The following ENAM variants were observed in gnomAD, a reference collection of about 807,000 sequenced individuals.
The protein encoded by ENAM is enamelin, also known as amelogenesis imperfecta 2, hypocalcification (autosomal dominant).
ENAM carries 21 observed loss-of-function variants against 33.6 expected under a neutral mutation model. The observed-to-expected ratio is 0.63, with a 90% CI of 0.44 to 0.90. The LOEUF is 0.90. Among genes scored for constraint, ENAM ranks in the 40% least tolerant of loss-of-function variants. The probability of loss-of-function intolerance (pLI) is 0.00; values close to 1 mark genes in which losing one functional copy is unlikely to be tolerated. For missense variants in ENAM, 1,388 were observed against 1,366.9 expected (o/e 1.02, Z -0.24); for synonymous variants, 473 against 468.4 (o/e 1.01, Z -0.13).
At chr4:70,632,610 G>T in intron 4 of ENAM, 41 bp from the exon 5 acceptor site, 2 of 1,431,046 alleles carry the variant, frequency 1.4e-6, no homozygotes, top group Non-Finnish European at 2.0e-6. Context: ...TTTAATAAAA[G>T]TTTCACTTTG....
At position 70,634,358 on chromosome 4, in the gene ENAM, A is replaced by G; in HGVS notation, c.261A>G (p.Pro87=). 1 of 1,614,084 alleles carries G rather than the reference A, an allele frequency of 6.2e-7. No individual in the cohort carries two copies. The highest frequency in any genetic ancestry group is 8.5e-7 in the Non-Finnish European group (1 of 1,179,984). ...GAAACGGTCTCCCTCAGCAATTTCC[A>G]CAGTACCAGATGCCCATGTGGCCTC... The part of the protein sequence containing the change: ...FFGNGLPQQF[P]QYQMPMWPQP... The change falls in exon 6 of 9, where the codon CCA becomes CCG. Residue 87 remains proline (P), a synonymous_variant. Coordinates refer to ENST00000396073, the MANE Select transcript of ENAM (RefSeq NM_031889.3).
chr4:70,644,796 C>T lies in ENAM; in HGVS notation c.3370C>T (p.Leu1124Phe). ...AGATGAACACAGTCCATTTGAATTC[C>T]TTCAAAGAGGGACCAATGTACAGGA... ...DADEHSPFEFLQRGTNVQDQV... is the reference protein window; with the variant it reads ...DADEHSPFEFFQRGTNVQDQV... Residue 1124 changes from leucine (L) to phenylalanine (F), a missense_variant, in exon 9 of 9, where the codon CTT (leucine) becomes TTT (phenylalanine). Leu to Phe is a conservative substitution (Grantham distance 22). Transcript: ENST00000396073. 3.7e-6 allele frequency: 6 copies of T among 1,614,048 alleles called. No homozygotes were observed. The highest frequency in any genetic ancestry group is 1.7e-5 in the Admixed American group (1 of 60,014).
chr4:70,637,673 G>C (rs2109822670), intron 7 of ENAM, 117 bp from the exon 8 acceptor site: 3 of 807,148 alleles, frequency 3.7e-6, no homozygotes, highest in Middle Eastern at 2.2e-4. Flanking sequence ...AAAGCTCAGA[G>C]TACTAACTGA....
rs1318985644 is a variant in ENAM at position 70,643,561 on chromosome 4, AG to A, written c.2137del (p.Asp713IlefsTer29). The A allele has an allele frequency of 6.2e-7, 1 of 1,614,004 alleles. No individual in the cohort carries two copies. The highest frequency in any genetic ancestry group is 8.5e-7 in the Non-Finnish European group (1 of 1,179,986). On this transcript the variant is annotated frameshift_variant, in exon 9 of 9. Transcript: ENST00000396073. LOFTEE classifies it low-confidence loss of function (END_TRUNC). ...TTAGATAATCCATCAAAACCAAGGGAGGATTTTTATTACAGTGAATTTTACC... is the reference window on the plus strand; with the variant it reads ...TTAGATAATCCATCAAAACCAAGGGAGATTTTTATTACAGTGAATTTTACC... ...YSLDNPSKPR[E>X]DFYYSEFYPW...
chr4:70,637,839 G>C lies in ENAM; in HGVS notation c.584G>C (p.Gly195Ala), dbSNP rs143129444. 62 of 1,611,212 alleles carry C rather than the reference G, an allele frequency of 3.8e-5. No homozygotes were observed. Among genetic ancestry groups the C allele is most frequent in the Non-Finnish European group, 4.3e-5 (51 of 1,177,340 alleles). ...CGCCCACCAATCAGCAATGAAGAAGGGGGGGTAAGTACAAGTAAAACTACA... is the reference window on the plus strand; with the variant it reads ...CGCCCACCAATCAGCAATGAAGAAGCGGGGGTAAGTACAAGTAAAACTACA... ...YGRPPISNEE[G>A]GNPYFGYFGY... Residue 195 changes from glycine to alanine, a missense_variant, in exon 8 of 9, where the codon GGG becomes GCG. By Grantham distance (60) the Gly-to-Ala change is moderately conservative. Coordinates refer to ENST00000396073, the MANE Select transcript of ENAM (RefSeq NM_031889.3).
At chr4:70,631,779 GT>G (rs779360038) in intron 3 of ENAM, 41 bp downstream of exon 3, 1 of 1,597,038 alleles carries the variant, frequency 6.3e-7, no homozygotes, top group Non-Finnish European at 8.6e-7. Context: ...TTTGTGTTCC[GT>G]TAGGAACAAT....
rs1433461700 is a variant in ENAM at position 70,645,779 on chromosome 4, G to T, written c.*924G>T. On this transcript the variant is annotated 3_prime_UTR_variant, in exon 9 of 9. Transcript: ENST00000396073. ...ATTTTGGAAATGGTAGACACTGATA[G>T]CTACTTTGTTTTTAGTTATCTTAGG... The T allele has an allele frequency of 6.6e-6, 1 of 152,128 alleles. No individual in the cohort carries two copies. Among genetic ancestry groups the T allele is most frequent in the Non-Finnish European group, 1.5e-5 (1 of 68,036 alleles). 9.4% of individuals were successfully genotyped at this position (152,128 alleles called of 1,614,324 possible). A position where few individuals can be genotyped will look rare whatever the true frequency, so the allele number is the denominator to read the frequency against.
chr4:70,632,647 G>T lies in ENAM; in HGVS notation c.169-4G>T, dbSNP rs371305883. ...ATCACATTAATGGATTCCTTTGGTTGCAGATGATGCGGTATAATCAATTCA... is the reference window on the plus strand; with the variant it reads ...ATCACATTAATGGATTCCTTTGGTTTCAGATGATGCGGTATAATCAATTCA... On this transcript the variant is annotated splice_polypyrimidine_tract_variant and splice_region_variant and intron_variant, in intron 4 of 8. Transcript: ENST00000396073. 3.8e-6 allele frequency: 6 copies of T among 1,592,018 alleles called. No homozygotes were observed. Among genetic ancestry groups the T allele is most frequent in the Non-Finnish European group, 5.2e-6 (6 of 1,160,302 alleles).
intron 2 of ENAM, among the ~76,000 whole-genome samples, chr4:70,631,391 TCTGTCTCTCTCTCTTTCC>T (rs1738315214): frequency 6.6e-6 from 1 of 152,182 alleles, no homozygotes; most frequent in Admixed American, 6.5e-5. Context: ...TCTCTCTCTC[TCTGTCTCTCTCTCTTTCC>T]CTGTCTCTCT....
intron 7 of ENAM, among the ~76,000 whole-genome samples, chr4:70,637,104 A>G (rs1738470729): frequency 6.6e-6 from 1 of 152,216 alleles, no homozygotes; most frequent in Non-Finnish European, 1.5e-5. Flanking sequence ...TAAAAGAGTG[A>G]CTTCCTTTTA....
At position 70,644,269 on chromosome 4, in the gene ENAM, A is replaced by G. The variant is rs1387922480; in HGVS notation, c.2843A>G (p.Asp948Gly). 1 of 1,614,144 alleles carries G rather than the reference A, an allele frequency of 6.2e-7. No individual in the cohort carries two copies. Among genetic ancestry groups the G allele is most frequent in the South Asian group, 1.1e-5 (1 of 91,086 alleles). ...GAAAGCCAAAACCCTTTTAGAGATG[A>G]TGTGTCCACGCTGAGGAGGAACACA... is the stretch of plus-strand genomic sequence containing the variant. ...KRESQNPFRD[D>G]VSTLRRNTPC... Residue 948 changes from aspartate (D) to glycine (G), a missense_variant, in exon 9 of 9, where the codon GAT becomes GGT. Physicochemically the swap from Asp to Gly is moderately conservative, Grantham distance 94 (BLOSUM62 -1). Coordinates refer to ENST00000396073, the MANE Select transcript of ENAM (RefSeq NM_031889.3).
Position 70,643,688 on chromosome 4 carries a change from A to G in ENAM, c.2262A>G (p.Pro754=). Residue 754 remains proline (P), a synonymous_variant, in exon 9 of 9, where the codon CCA becomes CCG. Transcript: ENST00000396073. ...ACTACGTTAATAATGCCGCTGGACCAGAAGAAAGCACTCTATTTCCTTCAC... is the reference window on the plus strand; with the variant it reads ...ACTACGTTAATAATGCCGCTGGACCGGAAGAAAGCACTCTATTTCCTTCAC... ...RGYYVNNAAG[P]EESTLFPSRN... 1 of 1,614,174 alleles carries G rather than the reference A, an allele frequency of 6.2e-7. No homozygotes were observed. The highest frequency in any genetic ancestry group is 8.5e-7 in the Non-Finnish European group (1 of 1,180,012).
Position 70,645,294 on chromosome 4 carries a change from A to G in ENAM, c.*439A>G, listed in dbSNP as rs1018016906. 1 of 193,020 alleles carries G rather than the reference A, an allele frequency of 5.2e-6. No homozygotes were observed. Among genetic ancestry groups the G allele is most frequent in the Admixed American group, 5.6e-5 (1 of 17,920 alleles). 12.0% of individuals were successfully genotyped at this position (193,020 alleles called of 1,614,324 possible). ...CACTGTACGTTTTTTGCTTGTGTTG[A>G]TCTTGTCAGGTTTTTTTCCTACTCA... On this transcript the variant is annotated 3_prime_UTR_variant, in exon 9 of 9. Transcript: ENST00000396073.
In ENAM at chr4:70,642,582, A is replaced by G; in HGVS notation, c.1156A>G (p.Thr386Ala). The change falls in exon 9 of 9, where the codon ACT (threonine) becomes GCT (alanine). Residue 386 changes from threonine (T) to alanine (A), a missense_variant. Physicochemically the swap from Thr to Ala is moderately conservative, Grantham distance 58 (BLOSUM62 0). Coordinates refer to ENST00000396073, the MANE Select transcript of ENAM (RefSeq NM_031889.3). ...NPVYHKAYPP[T>A]SRGNYPNYAG... is the part of the protein sequence containing the mutation. ...AGTTTATCACAAAGCTTACCCTCCT[A>G]CTTCAAGAGGCAATTATCCCAATTA... 4 of 1,613,978 alleles carry G rather than the reference A, an allele frequency of 2.5e-6. No homozygotes were observed. In the South Asian group the frequency reaches 4.4e-5, roughly 18 times the overall value.
intron 4 of ENAM, 41 bp from the exon 5 acceptor site, chr4:70,632,610 G>A (rs1434455618): frequency 1.4e-6 from 2 of 1,431,046 alleles, no homozygotes; most frequent in Non-Finnish European, 2.0e-6. Flanking sequence ...TTTAATAAAA[G>A]TTTCACTTTG....
intron 2 of ENAM, among the ~76,000 whole-genome samples, chr4:70,629,996 T>C (rs1053700864): frequency 2.0e-5 from 3 of 152,138 alleles, no homozygotes; most frequent in African/African-American, 7.2e-5. Flanking sequence ...CTTAGAAACA[T>C]TTAGCAAAGA....
In ENAM at chr4:70,636,373, G is replaced by A. The variant is rs190449719; in HGVS notation, c.534+479G>A. The stretch of plus-strand genomic sequence containing the variant: ...CTTGGGGCTGGGCAAGGTGGCTCAC[G>A]TCTGTAATCCCAGCACTTTGGGAGG... On this transcript the variant is annotated intron_variant, in intron 7 of 8. Coordinates refer to ENST00000396073, the MANE Select transcript of ENAM (RefSeq NM_031889.3). Among the ~76,000 whole-genome samples the A allele has an allele frequency of 2.4e-4, 37 of 152,216 alleles. No individual in the cohort carries two copies. The East Asian group carries it at 4.8e-3, about 20-fold the overall frequency.
At chr4:70,635,743 C>T in intron 6 of ENAM, 89 bp from the exon 7 acceptor site, 1 of 842,512 alleles carries the variant, frequency 1.2e-6, no homozygotes, top group East Asian at 2.5e-5. Flanking sequence ...TGTAGACTCC[C>T]AAGTTTCAAT....
intron 4 of ENAM, 42 bp downstream of exon 4, chr4:70,631,935 T>C (rs780741808): frequency 8.7e-6 from 13 of 1,492,288 alleles, no homozygotes; most frequent in Non-Finnish European, 1.1e-5. Flanking sequence ...TCCAGAGTCC[T>C]ATCCTACACA....
Sources: allele counts gnomAD v4.1 joint callset (sites outside exome capture counted in the v4.1 genomes callset), GRCh38; gene constraint gnomAD v4.1.1; transcripts MANE v1.5; gene names NCBI Gene and HGNC (gene_info 2026-07-23, HGNC 2026-07-21).